Variants in TMEM62 observed in about 807,000 individuals in gnomAD.
The protein encoded by TMEM62 is transmembrane protein 62.
TMEM62 carries 41 observed loss-of-function variants against 70.4 expected under a neutral mutation model. The ratio of observed to expected loss-of-function variants is 0.58; its 90% confidence interval spans 0.45 to 0.76. TMEM62 has a LOEUF of 0.76. TMEM62 is among the 30% of genes least tolerant of loss of function. The pLI is 0.00. For synonymous variants in TMEM62, 268 were observed against 291.0 expected (o/e 0.92, Z 0.80); for missense variants, 688 against 788.5 (o/e 0.87, Z 1.53).
intron 9 of TMEM62, 187 bp from the exon 10 acceptor site, chr15:43,160,494 A>G (rs1211898542): frequency 2.5e-5 from 13 of 521,006 alleles, no homozygotes; most frequent in African/African-American, 3.9e-5. Context: ...TGAGCTAGCT[A>G]TGATTGCACC....
chr15:43,171,351 AG>A (rs1240558876), intron 11 of TMEM62, among the ~76,000 whole-genome samples: 2 of 150,452 alleles, frequency 1.3e-5, no homozygotes, highest in Non-Finnish European at 3.0e-5. Context: ...AAAAAAAAAA[AG>A]TTCCCTTCAA....
chr15:43,178,606 G>T lies in TMEM62; in HGVS notation c.1382-1G>T. On this transcript the variant is annotated splice_acceptor_variant, in intron 11 of 13. Transcript: ENST00000260403. LOFTEE classifies it high-confidence loss of function. ...GGGTTTTTCAACTTTATGTTTTTTA[G>T]AACCTTCAGGGTTTATAAATCTGAC... 6.3e-7 allele frequency: 1 copy of T among 1,592,312 alleles called. No homozygotes were observed. The highest frequency in any genetic ancestry group is 8.6e-7 in the Non-Finnish European group (1 of 1,163,676).
At chr15:43,152,010 T>G in intron 8 of TMEM62, 65 bp downstream of exon 8, 2 of 1,283,006 alleles carry the variant, frequency 1.6e-6, no homozygotes, top group South Asian at 1.5e-5. Flanking sequence ...TCATTGTGAT[T>G]GCATTCCCAT....
At chr15:43,167,789 T>C (rs2141950374) in intron 10 of TMEM62, among the ~76,000 whole-genome samples, 1 of 152,006 alleles carries the variant, frequency 6.6e-6, no homozygotes, top group South Asian at 2.1e-4. Context: ...GAGGTCGAGG[T>C]TGTAGCGAGC....
chr15:43,170,012 T>C (rs1202864358), intron 11 of TMEM62, among the ~76,000 whole-genome samples: 8 of 152,250 alleles, frequency 5.3e-5, no homozygotes, highest in Admixed American at 3.3e-4. Flanking sequence ...GTTAAAGGAC[T>C]GAGGCTCTGT....
intron 4 of TMEM62, 86 bp from the exon 5 acceptor site, chr15:43,146,407 G>T: frequency 1.6e-6 from 2 of 1,274,026 alleles, no homozygotes; most frequent in Non-Finnish European, 2.1e-6. Context: ...GTTTTCAAAG[G>T]AAGGTAAAAT....
intron 4 of TMEM62, among the ~76,000 whole-genome samples, chr15:43,139,528 G>A (rs1307735178): frequency 6.6e-6 from 1 of 152,196 alleles, no homozygotes; most frequent in African/African-American, 2.4e-5. Context: ...CTCTTGAGCT[G>A]GAGCAGTGAG....
chr15:43,169,755 T>C (rs2039991407), intron 11 of TMEM62, 78 bp downstream of exon 11: 3 of 1,272,640 alleles, frequency 2.4e-6, no homozygotes, highest in Non-Finnish European at 3.4e-6. Context: ...TTAAAGAGGT[T>C]TATTCTAAGC....
At chr15:43,155,622 A>G (rs1596275531) in intron 9 of TMEM62, among the ~76,000 whole-genome samples, 1 of 152,238 alleles carries the variant, frequency 6.6e-6, no homozygotes, top group East Asian at 1.9e-4. Context: ...GAGTGGCCAT[A>G]GACTCCCTTT....
intron 8 of TMEM62, 139 bp from the exon 9 acceptor site, chr15:43,154,533 T>C: frequency 1.6e-6 from 1 of 632,534 alleles, no homozygotes; most frequent in Non-Finnish European, 2.4e-6. Context: ...CCAGATCATA[T>C]CAATAGTGGC....
chr15:43,166,850 G>C lies in TMEM62; in HGVS notation c.1297-2743G>C, dbSNP rs542943983. On this transcript the variant is annotated intron_variant, in intron 10 of 13. Coordinates refer to ENST00000260403, the MANE Select transcript of TMEM62 (RefSeq NM_024956.4). ...ACATGTTTCAGAGAGCACAGGGTTG[G>C]GGGTAAGGTCACAGATCAACAGGAT... Among the ~76,000 whole-genome samples, 1,309 of 152,252 alleles carry C rather than the reference G, an allele frequency of 8.6e-3. 20 individuals carry two copies. Among genetic ancestry groups the C allele is most frequent in the African/African-American group, 0.03 (1,239 of 41,532 alleles).
chr15:43,168,072 C>T (rs913543332), intron 10 of TMEM62, among the ~76,000 whole-genome samples: 19 of 150,666 alleles, frequency 1.3e-4, no homozygotes, highest in African/African-American at 3.2e-4. Flanking sequence ...GAGATGGCAG[C>T]GGTACAGTCC....
intron 12 of TMEM62, among the ~76,000 whole-genome samples, chr15:43,180,369 G>A (rs907411137): frequency 1.3e-5 from 2 of 152,012 alleles, no homozygotes; most frequent in Non-Finnish European, 2.9e-5. Flanking sequence ...GTGATCTGCC[G>A]GCCTTGGCCT....
rs138637027 is a variant in TMEM62, at chr15:43,149,688, C to T, written c.866+537C>T. Among the ~76,000 whole-genome samples, 623 of 152,188 alleles carry T rather than the reference C, an allele frequency of 4.1e-3. 7 individuals are homozygous for T. The highest frequency in any genetic ancestry group is 0.014 in the African/African-American group (594 of 41,528). ...CCACCCGCCTCGGCCTCCCAAAGTA[C>T]TAGGATTACAGGCGTGAGCCATGGC... On this transcript the variant is annotated intron_variant, in intron 7 of 13. Transcript: ENST00000260403.
intron 4 of TMEM62, 96 bp from the exon 5 acceptor site, chr15:43,146,397 G>C: frequency 8.4e-7 from 1 of 1,187,302 alleles, no homozygotes; most frequent in South Asian, 1.8e-5. Context: ...AGCAAATCTC[G>C]TTTTCAAAGG....
intron 11 of TMEM62, among the ~76,000 whole-genome samples, chr15:43,171,626 T>TG (rs1567231139): frequency 1.4e-5 from 2 of 147,478 alleles, no homozygotes; most frequent in African/African-American, 5.0e-5. Flanking sequence ...TTTTTTTTTT[T>TG]TTTTTTTTTG....
intron 9 of TMEM62, 132 bp from the exon 10 acceptor site, chr15:43,160,543 AAACAAC>A (rs199988098): frequency 2.1e-4 from 127 of 595,722 alleles, no homozygotes; most frequent in African/African-American, 1.5e-3. Flanking sequence ...AAACCTTGAA[AAACAAC>A]AACAACAACA....
chr15:43,135,435 A>T, intron 2 of TMEM62, 77 bp from the exon 3 acceptor site: 2 of 1,430,448 alleles, frequency 1.4e-6, no homozygotes, highest in Non-Finnish European at 1.9e-6. Flanking sequence ...TTGTTCCTTC[A>T]GTGTACATAT....
At position 43,148,747 on chromosome 15, in the gene TMEM62, C is replaced by T. The variant is rs1420100933; in HGVS notation, c.619-8C>T. ...ATTTAAGATCCTTCCATTTTTCTCCCATCTCAGAAAAAGATGGAGGAGCTC... is the reference window on the plus strand; with the variant it reads ...ATTTAAGATCCTTCCATTTTTCTCCTATCTCAGAAAAAGATGGAGGAGCTC... On this transcript the variant is annotated splice_polypyrimidine_tract_variant and splice_region_variant and intron_variant, in intron 5 of 13. Coordinates refer to ENST00000260403, the MANE Select transcript of TMEM62 (RefSeq NM_024956.4). The T allele has an allele frequency of 4.4e-6, 7 of 1,608,744 alleles. No individual in the cohort carries two copies. In the South Asian group the frequency reaches 7.8e-5, roughly 18 times the overall value.
Sources: gnomAD v4.1 joint callset for allele counts (sites outside exome capture counted in the v4.1 genomes callset) on GRCh38, gnomAD v4.1.1 for gene constraint, MANE v1.5 for transcripts, NCBI Gene and HGNC (gene_info 2026-07-23, HGNC 2026-07-21) for gene names.